KCNH7: variants seen among roughly 807,000 people sequenced by gnomAD.
KCNH7 encodes voltage-gated inwardly rectifying potassium channel KCNH7.
A neutral mutation model predicts 120.8 loss-of-function variants in KCNH7; 49 were observed. That is an observed-to-expected ratio of 0.41 (90% CI 0.32 to 0.51). The LOEUF is 0.51. Ranked by LOEUF, KCNH7 falls within the 20% of genes least tolerant of loss-of-function variation. The probability of loss-of-function intolerance (pLI) is 0.38; values close to 1 mark genes in which losing one functional copy is unlikely to be tolerated. For missense variants in KCNH7, 1,097 were observed against 1,446.6 expected, an observed-to-expected ratio of 0.76 and a Z score of 3.92; for synonymous variants, 547 against 516.1, an observed-to-expected ratio of 1.06 and a Z score of -0.81.
chr2:162,753,153 T>C (rs1688664889), intron 2 of KCNH7, among the ~76,000 whole-genome samples: 1 of 151,760 alleles, frequency 6.6e-6, no homozygotes, highest in African/African-American at 2.4e-5. Flanking sequence ...TTTGGCCCTG[T>C]CTTTGTTTCT....
chr2:162,401,022 C>G (rs796201695), intron 9 of KCNH7, among the ~76,000 whole-genome samples: 7 of 151,902 alleles, frequency 4.6e-5, no homozygotes, highest in African/African-American at 1.4e-4. Context: ...TTGATAAGCA[C>G]TGAAAATAGA....
chr2:162,525,160 G>C (rs1289632450), intron 3 of KCNH7, among the ~76,000 whole-genome samples: 1 of 151,880 alleles, frequency 6.6e-6, no homozygotes, highest in Non-Finnish European at 1.5e-5. Context: ...ACATTTCCTA[G>C]GGTATTAGAT....
chr2:162,619,280 A>G (rs1683255063), intron 2 of KCNH7, among the ~76,000 whole-genome samples: 1 of 152,084 alleles, frequency 6.6e-6, no homozygotes, highest in Non-Finnish European at 1.5e-5. Context: ...ATACTAAGAG[A>G]GGTGAGTACA....
intron 2 of KCNH7, among the ~76,000 whole-genome samples, chr2:162,789,067 A>G (rs1683823452): frequency 6.6e-6 from 1 of 151,754 alleles, no homozygotes; most frequent in South Asian, 2.1e-4. Context: ...CTCAAAAATG[A>G]GAGATACTTT....
intron 2 of KCNH7, among the ~76,000 whole-genome samples, chr2:162,764,183 T>C (rs2105457246): frequency 1.3e-5 from 2 of 152,254 alleles, no homozygotes; most frequent in Middle Eastern, 3.4e-3. Flanking sequence ...GTCAGAGTAC[T>C]GCAAATCAGG....
chr2:162,384,590 T>C (rs1213072649), intron 13 of KCNH7, 98 bp downstream of exon 13: 2 of 1,147,404 alleles, frequency 1.7e-6, no homozygotes, highest in Non-Finnish European at 2.5e-6. Flanking sequence ...TGAGAACAAT[T>C]AGATTAACAT....
chr2:162,452,781 G>A (rs182770318), intron 6 of KCNH7, among the ~76,000 whole-genome samples: 8 of 152,130 alleles, frequency 5.3e-5, no homozygotes, highest in African/African-American at 1.7e-4. Flanking sequence ...GAATATATAA[G>A]AAGTATATTT....
chr2:162,684,693 AAAC>A (rs1404057553), intron 2 of KCNH7, among the ~76,000 whole-genome samples: 2 of 152,132 alleles, frequency 1.3e-5, no homozygotes, highest in Non-Finnish European at 2.9e-5. Context: ...AAAAGTCAGG[AAAC>A]AACAGATGCT....
chr2:162,496,348 AC>A (rs1270499148), intron 6 of KCNH7, among the ~76,000 whole-genome samples: 19 of 152,148 alleles, frequency 1.2e-4, no homozygotes, highest in Admixed American at 2.0e-4. Context: ...AGATAAGAGA[AC>A]TTACACAGTT....
intron 2 of KCNH7, among the ~76,000 whole-genome samples, chr2:162,706,191 C>A (rs1247357590): frequency 1.3e-5 from 2 of 152,050 alleles, no homozygotes; most frequent in African/African-American, 4.8e-5. Flanking sequence ...ACCTAGTAAA[C>A]CTTGGAGACT....
intron 2 of KCNH7, among the ~76,000 whole-genome samples, chr2:162,745,445 A>C (rs1393825687): frequency 6.6e-6 from 1 of 152,176 alleles, no homozygotes; most frequent in Non-Finnish European, 1.5e-5. Flanking sequence ...CATTACATAG[A>C]GTATCTAGGA....
chr2:162,498,400 A>C (rs969686375), intron 6 of KCNH7, among the ~76,000 whole-genome samples: 1 of 147,232 alleles, frequency 6.8e-6, no homozygotes, highest in East Asian at 2.0e-4. Flanking sequence ...TGTTTCTCCA[A>C]GTAATTTATA....
At chr2:162,607,263 A>G (rs1682811268) in intron 2 of KCNH7, among the ~76,000 whole-genome samples, 1 of 150,574 alleles carries the variant, frequency 6.6e-6, no homozygotes. Context: ...GGTGCTGCGC[A>G]CCTGTAGTCT....
intron 7 of KCNH7, among the ~76,000 whole-genome samples, chr2:162,437,497 T>C (rs957921717): frequency 3.9e-5 from 6 of 152,214 alleles, no homozygotes; most frequent in Non-Finnish European, 8.8e-5. Context: ...CTAATATATG[T>C]ATTATCAATA....
chr2:162,716,989 TTGGGTAGAA>T (rs1017223406), intron 2 of KCNH7, among the ~76,000 whole-genome samples: 1 of 152,148 alleles, frequency 6.6e-6, no homozygotes, highest in African/African-American at 2.4e-5. Flanking sequence ...TATTATGATC[TTGGGTAGAA>T]AGAGTGTTGC....
chr2:162,384,904 T>C lies in KCNH7; in HGVS notation c.2746A>G (p.Thr916Ala), dbSNP rs1472415301. The change falls in exon 13 of 16, where the codon ACC becomes GCC. Residue 916 changes from threonine (T) to alanine (A), a missense_variant. Physicochemically the swap from Thr to Ala is moderately conservative, Grantham distance 58. Coordinates refer to ENST00000332142, the MANE Select transcript of KCNH7 (RefSeq NM_033272.4). ...STNDPEDSAD[T>A]IRHYQSSKRH... is the part of the protein sequence containing the mutation. ...TTGGAACTCTGATAATGTCTTATGG[T>C]ATCTGCAGAGTCTTCAGGATCATTT... 6.2e-7 allele frequency: 1 copy of C among 1,611,846 alleles called. No individual in the cohort carries two copies. The highest frequency in any genetic ancestry group is 8.5e-7 in the Non-Finnish European group (1 of 1,178,460).
intron 2 of KCNH7, among the ~76,000 whole-genome samples, chr2:162,779,368 T>C (rs1296184946): frequency 1.3e-5 from 2 of 151,946 alleles, no homozygotes; most frequent in Non-Finnish European, 2.9e-5. Context: ...GCCCAGCTAA[T>C]TTTTGTATTT....
chr2:162,658,069 C>T lies in KCNH7; in HGVS notation c.308-120989G>A, dbSNP rs191464261. Among the ~76,000 whole-genome samples, 1,102 of 151,536 alleles carry T rather than the reference C, an allele frequency of 7.3e-3. 6 individuals are homozygous for T. Among genetic ancestry groups the T allele is most frequent in the Non-Finnish European group, 0.012 (796 of 67,926 alleles). ...CCTATATAAATGATACCCTGGAGAG[C>T]ACCCTCATTCCTTCTGCCATGGGAG... On this transcript the variant is annotated intron_variant, in intron 2 of 15. Coordinates refer to ENST00000332142, the MANE Select transcript of KCNH7 (RefSeq NM_033272.4).
intron 5 of KCNH7, among the ~76,000 whole-genome samples, chr2:162,509,384 AG>A (rs1258709642): frequency 2.6e-5 from 4 of 151,504 alleles, no homozygotes; most frequent in African/African-American, 9.7e-5. Context: ...AAACAGACAA[AG>A]GTTGTTTTTA....
Sources: gnomAD v4.1 joint callset for allele counts (sites outside exome capture counted in the v4.1 genomes callset) on GRCh38, gnomAD v4.1.1 for gene constraint, MANE v1.5 for transcripts, NCBI Gene and HGNC (gene_info 2026-07-23, HGNC 2026-07-21) for gene names.